TMEM132D: variants seen among roughly 807,000 people sequenced by gnomAD.
TMEM132D encodes transmembrane protein 132D.
In TMEM132D, 21 loss-of-function variants were observed where a neutral mutation model predicts 62.3. That is an observed-to-expected ratio of 0.34 (90% confidence interval 0.24 to 0.49). The LOEUF is 0.49. Ranked by LOEUF, TMEM132D falls within the 20% of genes least tolerant of loss-of-function variation. TMEM132D has a pLI of 0.99. For missense variants in TMEM132D, 1,346 were observed against 1,402.8 expected (o/e 0.96, Z 0.65); for synonymous variants, 621 against 575.6 (o/e 1.08, Z -1.13).
chr12:129,172,926 G>A (rs1208627823), intron 5 of TMEM132D, among the ~76,000 whole-genome samples: 1 of 152,178 alleles, frequency 6.6e-6, no homozygotes, highest in Non-Finnish European at 1.5e-5. Context: ...CCCGAGGAGA[G>A]GGAAAATGAT....
chr12:129,417,690 A>G (rs1461801581), intron 3 of TMEM132D, among the ~76,000 whole-genome samples: 1 of 152,248 alleles, frequency 6.6e-6, no homozygotes, highest in African/African-American at 2.4e-5. Context: ...AAAAGTGCCA[A>G]AATTGACAAA....
At chr12:129,774,514 C>T (rs1174086197) in intron 1 of TMEM132D, among the ~76,000 whole-genome samples, 3 of 152,156 alleles carry the variant, frequency 2.0e-5, no homozygotes, top group Non-Finnish European at 4.4e-5. Context: ...GTTGCAATCA[C>T]GTCGGTTGTG....
chr12:129,323,899 G>A (rs1306215165), intron 4 of TMEM132D, among the ~76,000 whole-genome samples: 1 of 114,242 alleles, frequency 8.8e-6, no homozygotes. Context: ...ATTTTCTATA[G>A]GAAGTAGGTT....
At chr12:129,520,431 A>C (rs1320897986) in intron 3 of TMEM132D, among the ~76,000 whole-genome samples, 1 of 152,212 alleles carries the variant, frequency 6.6e-6, no homozygotes, top group African/African-American at 2.4e-5. Flanking sequence ...GACTCCTTTC[A>C]TTATTTGATT....
At chr12:129,182,110 C>A (rs975621296) in intron 5 of TMEM132D, among the ~76,000 whole-genome samples, 2 of 152,130 alleles carry the variant, frequency 1.3e-5, no homozygotes, top group African/African-American at 4.8e-5. Flanking sequence ...GCCTGTAAAC[C>A]AAGCACTTTG....
intron 1 of TMEM132D, among the ~76,000 whole-genome samples, chr12:129,882,616 C>A (rs1215424527): frequency 6.6e-6 from 1 of 152,122 alleles, no homozygotes; most frequent in Non-Finnish European, 1.5e-5. Flanking sequence ...TCCCAACACA[C>A]AAAAAATCAT....
intron 5 of TMEM132D, among the ~76,000 whole-genome samples, chr12:129,147,421 G>A (rs1388154083): frequency 6.6e-6 from 1 of 151,798 alleles, no homozygotes; most frequent in Non-Finnish European, 1.5e-5. Flanking sequence ...ATCCTCTTAT[G>A]TAAGTACACA....
chr12:129,496,765 G>A (rs7965210), intron 3 of TMEM132D, among the ~76,000 whole-genome samples: 2,163 of 152,180 alleles, frequency 0.014, 56 homozygotes, highest in African/African-American at 0.049. Flanking sequence ...CCTATGGACC[G>A]AACCAGAAGT....
chr12:129,702,984 T>G (rs1376027127), intron 1 of TMEM132D, among the ~76,000 whole-genome samples: 1 of 152,210 alleles, frequency 6.6e-6, no homozygotes, highest in East Asian at 1.9e-4. Context: ...CTAAGGAAGA[T>G]GGGCCTCTCC....
At chr12:129,663,377 A>G (rs1880293703) in intron 2 of TMEM132D, among the ~76,000 whole-genome samples, 1 of 152,174 alleles carries the variant, frequency 6.6e-6, no homozygotes, top group South Asian at 2.1e-4. Flanking sequence ...ACCTCAGGTG[A>G]TCCACCCACC....
intron 4 of TMEM132D, among the ~76,000 whole-genome samples, chr12:129,300,743 C>G (rs1431946906): frequency 6.6e-6 from 1 of 152,174 alleles, no homozygotes; most frequent in African/African-American, 2.4e-5. Flanking sequence ...AACATAAACA[C>G]TTTGAAGCTA....
At chr12:129,797,801 T>G (rs1025447205) in intron 1 of TMEM132D, among the ~76,000 whole-genome samples, 2 of 152,166 alleles carry the variant, frequency 1.3e-5, no homozygotes, top group African/African-American at 4.8e-5. Context: ...GAATATCCAG[T>G]GAACACTTAG....
chr12:129,800,259 A>G (rs1204949814), intron 1 of TMEM132D, among the ~76,000 whole-genome samples: 1 of 152,134 alleles, frequency 6.6e-6, no homozygotes, highest in Non-Finnish European at 1.5e-5. Flanking sequence ...GAGGAAATGC[A>G]TAGAGAACAG....
chr12:129,188,761 G>GA (rs1878293591), intron 5 of TMEM132D, among the ~76,000 whole-genome samples: 1 of 63,844 alleles, frequency 1.6e-5, no homozygotes, highest in African/African-American at 4.3e-5. Flanking sequence ...GAGGGAGAGA[G>GA]GGAGAGAGAG....
intron 2 of TMEM132D, among the ~76,000 whole-genome samples, chr12:129,623,879 A>G (rs1879145378): frequency 6.6e-6 from 1 of 152,090 alleles, no homozygotes; most frequent in Non-Finnish European, 1.5e-5. Flanking sequence ...AAACATACAC[A>G]TGCCAGTGTC....
At chr12:129,270,203 T>A (rs1213082624) in intron 4 of TMEM132D, among the ~76,000 whole-genome samples, 1 of 152,140 alleles carries the variant, frequency 6.6e-6, no homozygotes, top group East Asian at 1.9e-4. Flanking sequence ...TAATTTATCA[T>A]CTGTATCTCT....
At chr12:129,186,289 G>A (rs543520394) in intron 5 of TMEM132D, among the ~76,000 whole-genome samples, 8 of 152,288 alleles carry the variant, frequency 5.3e-5, no homozygotes, top group Admixed American at 1.3e-4. Context: ...CAGGTTGGCA[G>A]CTCCCTTGGC....
intron 5 of TMEM132D, among the ~76,000 whole-genome samples, chr12:129,135,462 C>A (rs1384685543): frequency 1.3e-5 from 2 of 152,168 alleles, no homozygotes; most frequent in Non-Finnish European, 2.9e-5. Flanking sequence ...TTGGGGAGAT[C>A]ATCTCTGCTC....
chr12:129,302,652 C>A (rs112931113), intron 4 of TMEM132D, among the ~76,000 whole-genome samples: 1,924 of 152,322 alleles, frequency 0.013, 19 homozygotes, highest in Non-Finnish European at 0.019. Context: ...TCTCCAGGAC[C>A]AGCAGGCCAC....
Sources: allele counts gnomAD v4.1 joint callset (sites outside exome capture counted in the v4.1 genomes callset), GRCh38; gene constraint gnomAD v4.1.1; transcripts MANE v1.5; gene names NCBI Gene and HGNC (gene_info 2026-07-23, HGNC 2026-07-21).